TTC3: variants seen among roughly 807,000 people sequenced by gnomAD.
The protein encoded by TTC3 is tetratricopeptide repeat domain 3.
In TTC3, 180 loss-of-function variants were observed where a neutral mutation model predicts 249.6. That is an observed-to-expected ratio of 0.72 (90% CI 0.64 to 0.82). The LOEUF is 0.82. Among genes scored for constraint, TTC3 ranks in the 40% least tolerant of loss-of-function variants. The pLI is 0.00. For missense variants in TTC3, 2,061 were observed against 2,398.4 expected (o/e 0.86, Z 2.94); for synonymous variants, 717 against 805.0 (o/e 0.89, Z 1.85).
At chr21:37,073,674 C>G (rs867520438) in intron 1 of TTC3, among the ~76,000 whole-genome samples, 36 of 152,224 alleles carry the variant, frequency 2.4e-4, no homozygotes, top group Middle Eastern at 6.8e-3. Context: ...TGTGCGCAAC[C>G]CCCCGCTGCC....
rs1201976209 is a variant in TTC3, at chr21:37,188,259, A to T, written c.4924-236A>T. On this transcript the variant is annotated intron_variant, in intron 38 of 45. Transcript: ENST00000355666. ...CTTAAGCAGAAAGCCATGTACAGTT[A>T]TTCATATCTGCAAAAAGGATCATGG... The T allele has an allele frequency of 1.7e-5, 7 of 403,886 alleles. No individual in the cohort carries two copies. In the Admixed American group the frequency reaches 2.6e-4, roughly 15 times the overall value. 25.0% of individuals were successfully genotyped at this position (403,886 alleles called of 1,614,324 possible). A position where few individuals can be genotyped will look rare whatever the true frequency, so the allele number is the denominator to read the frequency against.
intron 7 of TTC3, chr21:37,093,402 A>AAAAAAAAAAAAAAAAAAAAAAAAAAG: frequency 7.6e-6 from 1 of 132,254 alleles, no homozygotes; most frequent in Non-Finnish European, 1.6e-5. Context: ...AAAAAAAAAA[A>AAAAAAAAAAAAAAAAAAAAAAAAAAG]GGAAATGCTC....
intron 11 of TTC3, among the ~76,000 whole-genome samples, chr21:37,116,354 G>T (rs149180788): frequency 2.6e-5 from 4 of 152,220 alleles, no homozygotes; most frequent in Non-Finnish European, 5.9e-5. Flanking sequence ...ATTGGAGAGG[G>T]TACAAAGGAG....
intron 17 of TTC3, among the ~76,000 whole-genome samples, chr21:37,134,489 C>T (rs914628523): frequency 2.6e-5 from 4 of 151,346 alleles, no homozygotes; most frequent in Admixed American, 2.6e-4. Context: ...TAATGGGTAA[C>T]CAAACTGCTT....
chr21:37,184,250 T>G (rs1034216926), intron 36 of TTC3, among the ~76,000 whole-genome samples: 5 of 152,244 alleles, frequency 3.3e-5, no homozygotes, highest in Admixed American at 3.3e-4. Context: ...TAACATACTT[T>G]TTTTGTTCAA....
chr21:37,174,329 C>T (rs556488525), intron 35 of TTC3, among the ~76,000 whole-genome samples: 2 of 152,288 alleles, frequency 1.3e-5, no homozygotes, highest in East Asian at 1.9e-4. Context: ...AGATCACAGG[C>T]CTGATAAGTT....
chr21:37,184,605 C>T (rs1049117179), intron 36 of TTC3, among the ~76,000 whole-genome samples: 2 of 151,026 alleles, frequency 1.3e-5, no homozygotes, highest in Non-Finnish European at 2.9e-5. Context: ...CAGGTGCCCA[C>T]CACCACGCCT....
At position 37,088,969 on chromosome 21, in the gene TTC3, T is replaced by C. The variant is rs1392176812; in HGVS notation, c.426+83T>C. On this transcript the variant is annotated intron_variant, in intron 5 of 45. Transcript: ENST00000355666. Reference sequence around the variant, plus strand: ...TATGGTGTTAGGCTCAAATGACTAATTTATAGCAATTAACAGGTAATGGTT... The same window carrying C: ...TATGGTGTTAGGCTCAAATGACTAACTTATAGCAATTAACAGGTAATGGTT... 7 of 1,203,652 alleles carry C rather than the reference T, an allele frequency of 5.8e-6. No individual in the cohort carries two copies. The African/African-American group carries it at 9.3e-5, about 16-fold the overall frequency. The allele number at this position is 1,203,652 out of a possible 1,614,324, so 74.6% of individuals were successfully genotyped here. A position where few individuals can be genotyped will look rare whatever the true frequency, so the allele number is the denominator to read the frequency against.
chr21:37,178,356 T>C (rs917120750), intron 35 of TTC3, among the ~76,000 whole-genome samples: 1 of 152,200 alleles, frequency 6.6e-6, no homozygotes, highest in Non-Finnish European at 1.5e-5. Context: ...TTGCTGATCA[T>C]ATGGCAATTC....
At chr21:37,138,784 ATT>A in intron 19 of TTC3, 70 bp downstream of exon 19, 1 of 1,087,596 alleles carries the variant, frequency 9.2e-7, no homozygotes, top group Non-Finnish European at 1.3e-6. Context: ...TTATTTTCTC[ATT>A]TTTACCCATT....
At chr21:37,129,604 A>T (rs1181695848) in intron 16 of TTC3, among the ~76,000 whole-genome samples, 1 of 152,170 alleles carries the variant, frequency 6.6e-6, no homozygotes, top group African/African-American at 2.4e-5. Context: ...TCCCCATGAA[A>T]ATTAACAGTA....
At chr21:37,113,919 C>T (rs1341848240) in intron 11 of TTC3, among the ~76,000 whole-genome samples, 2 of 152,060 alleles carry the variant, frequency 1.3e-5, no homozygotes, top group Non-Finnish European at 2.9e-5. Context: ...ACAAACCTGA[C>T]AAAAACAAGC....
intron 21 of TTC3, among the ~76,000 whole-genome samples, chr21:37,145,413 G>A (rs2078898201): frequency 2.0e-5 from 3 of 152,194 alleles, no homozygotes; most frequent in Non-Finnish European, 2.9e-5. Context: ...AGCTATCAGA[G>A]AAACACAAAT....
chr21:37,176,247 T>C (rs2082277194), intron 35 of TTC3, among the ~76,000 whole-genome samples: 1 of 152,242 alleles, frequency 6.6e-6, no homozygotes, highest in Admixed American at 6.5e-5. Flanking sequence ...TTTTAACCAT[T>C]ACAAAGTATA....
intron 32 of TTC3, among the ~76,000 whole-genome samples, chr21:37,165,311 G>C (rs2081150048): frequency 6.6e-6 from 1 of 151,880 alleles, no homozygotes; most frequent in African/African-American, 2.4e-5. Flanking sequence ...ATTTCCTTTT[G>C]CTTTCCCCTG....
intron 9 of TTC3, 119 bp from the exon 10 acceptor site, chr21:37,096,462 G>C (rs1568899370): frequency 1.5e-6 from 1 of 654,368 alleles, no homozygotes; most frequent in Non-Finnish European, 2.6e-6. Context: ...TATTCTTTTT[G>C]CTTTGCCACA....
chr21:37,093,972 T>C, intron 7 of TTC3, 33 bp from the exon 8 acceptor site: 1 of 1,386,420 alleles, frequency 7.2e-7, no homozygotes, highest in Non-Finnish European at 1.0e-6. Flanking sequence ...AAACAAATGT[T>C]CTCTCTTGCT....
intron 18 of TTC3, 39 bp downstream of exon 18, chr21:37,135,553 T>A (rs1351242995): frequency 6.3e-7 from 1 of 1,598,976 alleles, no homozygotes; most frequent in Non-Finnish European, 8.5e-7. Context: ...TCAATGCTAA[T>A]GCACCTCAGA....
intron 1 of TTC3, among the ~76,000 whole-genome samples, chr21:37,077,850 A>G (rs144693545): frequency 0.013 from 2,015 of 152,244 alleles, 19 homozygotes; most frequent in Non-Finnish European, 0.02. Context: ...CTGTCTTTCT[A>G]CTGTTTATGG....
Sources: allele counts gnomAD v4.1 joint callset (sites outside exome capture counted in the v4.1 genomes callset), GRCh38; gene constraint gnomAD v4.1.1; transcripts MANE v1.5; gene names NCBI Gene and HGNC (gene_info 2026-07-23, HGNC 2026-07-21).